Variants in EFCAB7 observed in about 807,000 individuals in gnomAD.
The protein encoded by EFCAB7 is EF-hand calcium binding domain 7, also known as EF-hand calcium-binding domain-containing protein 7.
Under a neutral mutation model 77.1 loss-of-function variants are expected in EFCAB7, and 66 were observed. The observed-to-expected ratio is 0.86, with a 90% CI of 0.70 to 1.05. The LOEUF is 1.05. EFCAB7 is among the 50% of genes least tolerant of loss of function. The pLI, the probability that EFCAB7 is intolerant of heterozygous loss-of-function variation, is 0.00. For missense variants in EFCAB7, 638 were observed against 730.5 expected (o/e 0.87, Z 1.46); for synonymous variants, 225 against 243.3 (o/e 0.92, Z 0.70).
chr1:63,523,683 C>G (rs1206186409), intron 1 of EFCAB7, 49 bp downstream of exon 1: 6 of 167,302 alleles, frequency 3.6e-5, no homozygotes, highest in Non-Finnish European at 7.9e-5. Context: ...CTGTCCCTCT[C>G]TGTGCAGCTG....
intron 12 of EFCAB7, chr1:63,570,810 C>G: frequency 2.7e-6 from 1 of 363,870 alleles, no homozygotes; most frequent in Non-Finnish European, 5.0e-6. Flanking sequence ...GTTTAAGTCA[C>G]ATTTAAAAGA....
intron 2 of EFCAB7, among the ~76,000 whole-genome samples, chr1:63,526,082 C>CAA (rs1646584242): frequency 6.6e-6 from 1 of 152,114 alleles, no homozygotes; most frequent in Non-Finnish European, 1.5e-5. Context: ...CCTCTTAAGT[C>CAA]ACTAGCCTGA....
At chr1:63,581,430 TA>T in the EFCAB7 span, among the ~76,000 whole-genome samples, 1 of 146,844 alleles carries the variant, frequency 6.8e-6, no homozygotes, top group South Asian at 2.2e-4. Context: ...TGTTGTCAAA[TA>T]TTTTTTTCTA....
chr1:63,532,196 G>A (rs1230801772), intron 3 of EFCAB7, among the ~76,000 whole-genome samples, 165 bp downstream of exon 3: 1 of 152,012 alleles, frequency 6.6e-6, no homozygotes, highest in Admixed American at 6.6e-5. Context: ...TGGATGAAAT[G>A]TTCTTTGTAA....
At chr1:63,575,697 T>C (rs975476357), downstream of EFCAB7, among the ~76,000 whole-genome samples, 1 of 152,016 alleles carries the variant, frequency 6.6e-6, no homozygotes, top group Non-Finnish European at 1.5e-5. Context: ...GATTCTTCCA[T>C]CTCAGCCTTC....
chr1:63,541,999 C>T (rs944646150), intron 6 of EFCAB7, among the ~76,000 whole-genome samples: 2 of 152,054 alleles, frequency 1.3e-5, no homozygotes, highest in Non-Finnish European at 2.9e-5. Flanking sequence ...AGTTCTGTAT[C>T]ACTAAGTACA....
chr1:63,545,788 C>A, intron 6 of EFCAB7, 128 bp from the exon 7 acceptor site: 2 of 789,140 alleles, frequency 2.5e-6, no homozygotes, highest in South Asian at 3.3e-5. Context: ...AACTATGTTG[C>A]ACATTCCTGG....
At chr1:63,560,240 C>G (rs2100917275) in intron 10 of EFCAB7, among the ~76,000 whole-genome samples, 1 of 152,236 alleles carries the variant, frequency 6.6e-6, no homozygotes, top group South Asian at 2.1e-4. Flanking sequence ...GCGTGAGCCA[C>G]TGCGCCTGGC....
chr1:63,579,694 A>G, the EFCAB7 span, among the ~76,000 whole-genome samples: 2 of 152,216 alleles, frequency 1.3e-5, no homozygotes, highest in African/African-American at 2.4e-5. Flanking sequence ...TTATTCTGCA[A>G]CCTTATCAGT....
At chr1:63,531,277 G>A (rs1054851691) in intron 2 of EFCAB7, among the ~76,000 whole-genome samples, 3 of 151,758 alleles carry the variant, frequency 2.0e-5, no homozygotes, top group Non-Finnish European at 2.9e-5. Flanking sequence ...AGTGAGATAC[G>A]CTGTATTTGT....
At chr1:63,546,646 G>A (rs534410770) in intron 7 of EFCAB7, among the ~76,000 whole-genome samples, 2 of 152,258 alleles carry the variant, frequency 1.3e-5, no homozygotes, top group African/African-American at 4.8e-5. Context: ...GGGATTATAG[G>A]TGTGAGCCAC....
intron 2 of EFCAB7, among the ~76,000 whole-genome samples, chr1:63,526,152 A>T (rs1437525829): frequency 6.6e-6 from 1 of 152,222 alleles, no homozygotes; most frequent in Non-Finnish European, 1.5e-5. Context: ...ATGTCTGAAA[A>T]AGTGAAGTAC....
intron 13 of EFCAB7, among the ~76,000 whole-genome samples, chr1:63,571,883 A>G (rs1647274031): frequency 1.3e-5 from 2 of 152,116 alleles, no homozygotes; most frequent in African/African-American, 2.4e-5. Context: ...GAGAGGGACA[A>G]TGCCTCTGAG....
intron 12 of EFCAB7, chr1:63,568,757 G>T: frequency 2.7e-6 from 1 of 369,588 alleles, no homozygotes; most frequent in Non-Finnish European, 4.8e-6. Context: ...TAAACATTTG[G>T]ATATTAGTGA....
intron 1 of EFCAB7, among the ~76,000 whole-genome samples, 173 bp from the exon 2 acceptor site, chr1:63,525,399 C>T (rs570839118): frequency 2.0e-5 from 3 of 152,086 alleles, no homozygotes; most frequent in East Asian, 3.9e-4. Flanking sequence ...CTATAGTATT[C>T]GTCTTTTACT....
chr1:63,544,150 G>A (rs2100892038), intron 6 of EFCAB7, among the ~76,000 whole-genome samples: 1 of 151,776 alleles, frequency 6.6e-6, no homozygotes, highest in South Asian at 2.1e-4. Flanking sequence ...TGTATTTTTA[G>A]TAGAGATGGT....
At chr1:63,581,889 A>G in the EFCAB7 span, among the ~76,000 whole-genome samples, 3 of 152,252 alleles carry the variant, frequency 2.0e-5, no homozygotes, top group East Asian at 5.8e-4. Flanking sequence ...AAATTTATCA[A>G]AATTTAGGCA....
At chr1:63,546,098 G>A (rs1646895353) in intron 7 of EFCAB7, 41 bp downstream of exon 7, 1 of 1,592,680 alleles carries the variant, frequency 6.3e-7, no homozygotes, top group Admixed American at 1.8e-5. Context: ...ATGTCAATTT[G>A]TACCCTCCTT....
chr1:63,526,104 A>G (rs1164856976), intron 2 of EFCAB7, among the ~76,000 whole-genome samples: 1 of 152,220 alleles, frequency 6.6e-6, no homozygotes, highest in Non-Finnish European at 1.5e-5. Context: ...TTTGACCCAT[A>G]CTGAGGAAAG....
Sources: gnomAD v4.1 joint callset for allele counts (sites outside exome capture counted in the v4.1 genomes callset) on GRCh38, gnomAD v4.1.1 for gene constraint, MANE v1.5 for transcripts, NCBI Gene and HGNC (gene_info 2026-07-23, HGNC 2026-07-21) for gene names.